Variants in GALNTL6 observed in about 807,000 individuals in gnomAD.
GALNTL6 encodes polypeptide N-acetylgalactosaminyltransferase like 6.
GALNTL6 carries 46 observed loss-of-function variants against 73.7 expected under a neutral mutation model. The observed-to-expected ratio is 0.62, with a 90% CI of 0.49 to 0.80. GALNTL6 has a LOEUF of 0.80. Ranked by LOEUF, GALNTL6 falls within the 30% of genes least tolerant of loss-of-function variation. The pLI is 0.00. For synonymous variants in GALNTL6, 259 were observed against 263.7 expected, an observed-to-expected ratio of 0.98 and a Z score of 0.17; for missense variants, 604 against 755.0, an observed-to-expected ratio of 0.80 and a Z score of 2.34.
At chr4:172,436,857 G>A (rs1731650452) in intron 5 of GALNTL6, among the ~76,000 whole-genome samples, 1 of 152,106 alleles carries the variant, frequency 6.6e-6, no homozygotes, top group Admixed American at 6.6e-5. Flanking sequence ...TTATGGTACA[G>A]GTTATGGAAT....
chr4:171,821,314 T>C (rs527636002), intron 2 of GALNTL6, among the ~76,000 whole-genome samples: 2 of 152,266 alleles, frequency 1.3e-5, no homozygotes, highest in African/African-American at 4.8e-5. Context: ...GTGCCGGGAT[T>C]GCAAGCATGA....
chr4:172,249,339 T>G (rs1009494931), intron 3 of GALNTL6, among the ~76,000 whole-genome samples: 3 of 152,142 alleles, frequency 2.0e-5, no homozygotes, highest in African/African-American at 7.2e-5. Flanking sequence ...AGAAGAAATT[T>G]ATAAGTGGCC....
chr4:172,796,100 T>C (rs920567100), intron 5 of GALNTL6, among the ~76,000 whole-genome samples: 22 of 151,798 alleles, frequency 1.4e-4, no homozygotes, highest in East Asian at 1.9e-4. Context: ...GATTTTTTTT[T>C]CCCCTTCTTT....
intron 2 of GALNTL6, among the ~76,000 whole-genome samples, chr4:172,157,496 T>A (rs1364937901): frequency 6.6e-6 from 1 of 152,190 alleles, no homozygotes; most frequent in Non-Finnish European, 1.5e-5. Context: ...TTAGTAAATG[T>A]CATGGTGTGC....
chr4:172,928,190 CA>C (rs1423245103), intron 8 of GALNTL6, among the ~76,000 whole-genome samples: 1 of 152,116 alleles, frequency 6.6e-6, no homozygotes, highest in Non-Finnish European at 1.5e-5. Flanking sequence ...CCTACAAAGG[CA>C]AAAGTATTTA....
At chr4:172,250,630 C>T (rs896171897) in intron 3 of GALNTL6, among the ~76,000 whole-genome samples, 20 of 152,118 alleles carry the variant, frequency 1.3e-4, no homozygotes, top group African/African-American at 4.1e-4. Context: ...CTTGCCACCA[C>T]GTGCAGAAGG....
chr4:172,788,671 C>CAAAA (rs36046571), intron 5 of GALNTL6, among the ~76,000 whole-genome samples: 7 of 78,322 alleles, frequency 8.9e-5, no homozygotes, highest in Non-Finnish European at 1.2e-4. Flanking sequence ...GACTCCGTCT[C>CAAAA]AAAAAAAAAA....
intron 2 of GALNTL6, among the ~76,000 whole-genome samples, chr4:172,184,706 G>A (rs1579227496): frequency 6.6e-6 from 1 of 152,088 alleles, no homozygotes; most frequent in African/African-American, 2.4e-5. Context: ...CCCATTTTGT[G>A]CTGCTATAAC....
intron 5 of GALNTL6, among the ~76,000 whole-genome samples, chr4:172,465,342 T>C (rs1010197640): frequency 6.6e-6 from 1 of 151,878 alleles, no homozygotes; most frequent in African/African-American, 2.4e-5. Flanking sequence ...CCGGGCATGG[T>C]GGTGAGCGTC....
At chr4:172,607,250 A>T (rs1040321040) in intron 5 of GALNTL6, among the ~76,000 whole-genome samples, 1 of 152,268 alleles carries the variant, frequency 6.6e-6, no homozygotes, top group Admixed American at 6.5e-5. Context: ...CCAGGTAATA[A>T]GCACAGTATC....
intron 10 of GALNTL6, among the ~76,000 whole-genome samples, chr4:172,958,786 A>G (rs1204363025): frequency 6.6e-6 from 1 of 152,192 alleles, no homozygotes; most frequent in Non-Finnish European, 1.5e-5. Flanking sequence ...TGTCAGGGTC[A>G]GTCTAAGTGA....
chr4:172,094,977 T>A (rs1489698735), intron 2 of GALNTL6, among the ~76,000 whole-genome samples: 3 of 151,266 alleles, frequency 2.0e-5, no homozygotes, highest in African/African-American at 7.3e-5. Context: ...TTGAATTTTC[T>A]GGACCACTTC....
At chr4:172,223,068 T>TACACTG (rs1298783424) in intron 2 of GALNTL6, among the ~76,000 whole-genome samples, 1 of 152,010 alleles carries the variant, frequency 6.6e-6, no homozygotes, top group Non-Finnish European at 1.5e-5. Context: ...ATACAAGAAC[T>TACACTG]ACACTGCTTA....
chr4:172,691,892 A>G (rs971646738), intron 5 of GALNTL6, among the ~76,000 whole-genome samples: 5 of 152,344 alleles, frequency 3.3e-5, no homozygotes, highest in Middle Eastern at 3.4e-3. Flanking sequence ...AAACTTTAAA[A>G]AATAAAAAGC....
intron 5 of GALNTL6, among the ~76,000 whole-genome samples, chr4:172,530,877 A>G (rs1238695075): frequency 6.7e-6 from 1 of 148,682 alleles, no homozygotes; most frequent in Non-Finnish European, 1.5e-5. Context: ...GACAACTTAC[A>G]GAATTATTCT....
At chr4:172,849,218 T>A (rs898479468) in intron 7 of GALNTL6, among the ~76,000 whole-genome samples, 2 of 152,136 alleles carry the variant, frequency 1.3e-5, no homozygotes, top group African/African-American at 2.4e-5. Context: ...GGAAGACAAT[T>A]TTTCAAAGGA....
At chr4:172,607,117 A>AC (rs1317484783) in intron 5 of GALNTL6, among the ~76,000 whole-genome samples, 5 of 151,934 alleles carry the variant, frequency 3.3e-5, no homozygotes, top group Non-Finnish European at 5.9e-5. Flanking sequence ...ATTTCTGGTC[A>AC]CCCCCCAAAA....
At chr4:172,052,993 C>A (rs1041759765) in intron 2 of GALNTL6, among the ~76,000 whole-genome samples, 3 of 152,096 alleles carry the variant, frequency 2.0e-5, no homozygotes, top group African/African-American at 7.2e-5. Flanking sequence ...AAGGAATGAG[C>A]ACCAGGCAGC....
chr4:172,253,760 C>A (rs755520234), intron 3 of GALNTL6, among the ~76,000 whole-genome samples: 1 of 151,862 alleles, frequency 6.6e-6, no homozygotes, highest in Non-Finnish European at 1.5e-5. Flanking sequence ...TCAAATATGT[C>A]ATTTTCATGA....
Sources: gnomAD v4.1 joint callset for allele counts (sites outside exome capture counted in the v4.1 genomes callset) on GRCh38, gnomAD v4.1.1 for gene constraint, MANE v1.5 for transcripts, NCBI Gene and HGNC (gene_info 2026-07-23, HGNC 2026-07-21) for gene names.